Variants in LPAR1 observed in about 807,000 individuals in gnomAD.
The protein encoded by LPAR1 is lysophosphatidic acid receptor 1, also known as LPA receptor 1.
In LPAR1, 5 loss-of-function variants were observed where a neutral mutation model predicts 23.8. That is an observed-to-expected ratio of 0.21 (90% confidence interval 0.11 to 0.44). The LOEUF (loss-of-function observed/expected upper bound fraction) is 0.44. Ranked by LOEUF, LPAR1 falls within the 20% of genes least tolerant of loss-of-function variation. LPAR1 has a pLI of 0.99. For missense variants in LPAR1, 311 were observed against 482.8 expected (o/e 0.64, Z 3.33); for synonymous variants, 160 against 164.7 (o/e 0.97, Z 0.22).
intron 4 of LPAR1, among the ~76,000 whole-genome samples, chr9:110,956,200 A>G (rs1470155134): frequency 7.1e-6 from 1 of 140,080 alleles, no homozygotes; most frequent in East Asian, 2.4e-4. Flanking sequence ...GAACACATGG[A>G]CACCGGGAGG....
chr9:110,873,837 A>G lies in LPAR1; in HGVS notation c.*1584T>C, dbSNP rs1219534586. The stretch of plus-strand genomic sequence containing the variant: ...TTCTTTGCATTTTCTTCCATTTTAC[A>G]TTGCAGGTGTGGCTACCAAGAGCTG... On this transcript the variant is annotated 3_prime_UTR_variant, in exon 6 of 6. Transcript: ENST00000683809. 6.6e-6 allele frequency: 1 copy of G among 151,928 alleles called. No individual in the cohort carries two copies. The highest frequency in any genetic ancestry group is 1.5e-5 in the Non-Finnish European group (1 of 68,034). 9.4% of individuals were successfully genotyped at this position (151,928 alleles called of 1,614,324 possible). A position where few individuals can be genotyped will look rare whatever the true frequency, so the allele number is the denominator to read the frequency against.
chr9:110,930,650 G>A (rs2094348425), intron 5 of LPAR1, among the ~76,000 whole-genome samples: 4 of 151,798 alleles, frequency 2.6e-5, no homozygotes, highest in South Asian at 2.1e-4. Context: ...ATATTGGGCC[G>A]GGCTTGGTAG....
intron 5 of LPAR1, among the ~76,000 whole-genome samples, chr9:110,894,897 T>C (rs1390197002): frequency 1.3e-5 from 2 of 150,806 alleles, no homozygotes; most frequent in Non-Finnish European, 2.9e-5. Flanking sequence ...GGTGCACACA[T>C]GTCCCAACGA....
chr9:110,972,177 T>C lies in LPAR1; in HGVS notation c.-60A>G. The C allele has an allele frequency of 6.7e-7, 1 of 1,493,424 alleles. No individual in the cohort carries two copies. 92.5% of individuals were successfully genotyped at this position (1,493,424 alleles called of 1,614,324 possible). ...CAGAACTACGGGAGACAAATTTTCT[T>C]GTTTGCTGATCAGATCGAAGTCATG... is the stretch of plus-strand genomic sequence containing the variant. On this transcript the variant is annotated 5_prime_UTR_variant, in exon 4 of 6. Transcript: ENST00000683809.
At chr9:110,922,696 G>A (rs976963012) in intron 5 of LPAR1, among the ~76,000 whole-genome samples, 3 of 151,842 alleles carry the variant, frequency 2.0e-5, no homozygotes, top group Non-Finnish European at 2.9e-5. Context: ...TAAAAAAACT[G>A]AGACAGTATG....
chr9:110,984,793 T>C (rs926117561), intron 2 of LPAR1, among the ~76,000 whole-genome samples: 1 of 147,844 alleles, frequency 6.8e-6, no homozygotes, highest in African/African-American at 2.5e-5. Context: ...AATGCAGTTT[T>C]AACTAATAGG....
chr9:110,973,035 A>G (rs982967008), intron 3 of LPAR1, among the ~76,000 whole-genome samples: 2 of 152,234 alleles, frequency 1.3e-5, no homozygotes, highest in Admixed American at 1.3e-4. Flanking sequence ...ACTAATGTAC[A>G]GGTAGCACAC....
rs2095622198 is a variant in LPAR1, at chr9:110,953,096, C to G, written c.46-10928G>C. ...ACCACCTGGATCCCACAGGGTTGCC[C>G]CATCACTAATACTGCTATCTCCCAC... On this transcript the variant is annotated intron_variant, in intron 4 of 5. Transcript: ENST00000683809. Among the ~76,000 whole-genome samples, 4 of 152,306 alleles carry G rather than the reference C, an allele frequency of 2.6e-5. 1 individual carries two copies. The South Asian group carries it at 8.3e-4, about 32-fold the overall frequency.
intron 2 of LPAR1, among the ~76,000 whole-genome samples, chr9:111,029,381 C>G (rs2097757427): frequency 6.6e-6 from 1 of 152,072 alleles, no homozygotes; most frequent in Non-Finnish European, 1.5e-5. Context: ...ATCAACATGC[C>G]CTTTTTTGTC....
rs1288384972 is a variant in LPAR1 at position 110,927,607 on chromosome 9, G to T, written c.793+13814C>A. On this transcript the variant is annotated intron_variant, in intron 5 of 5. Transcript: ENST00000683809. ...AAACAAAACTGAAAACAGCCAAACT[G>T]CACGCAATAAAGTTTATTACATATT... is the stretch of plus-strand genomic sequence containing the variant. 2.6e-5 allele frequency among the ~76,000 whole-genome samples: 4 copies of T among 152,008 alleles called. No homozygotes were observed. The South Asian group carries it at 8.3e-4, about 31-fold the overall frequency.
chr9:110,954,252 T>C (rs1166136739), intron 4 of LPAR1, among the ~76,000 whole-genome samples: 1 of 151,972 alleles, frequency 6.6e-6, no homozygotes, highest in African/African-American at 2.4e-5. Context: ...TCTTTTGACA[T>C]AACCCAGGCA....
chr9:110,882,212 T>C (rs1428585303), intron 5 of LPAR1, among the ~76,000 whole-genome samples: 2 of 152,160 alleles, frequency 1.3e-5, no homozygotes, highest in East Asian at 3.9e-4. Context: ...GGTTTACATG[T>C]TTATTGTTTT....
At chr9:111,014,386 G>C (rs529220616) in intron 2 of LPAR1, among the ~76,000 whole-genome samples, 1 of 152,186 alleles carries the variant, frequency 6.6e-6, no homozygotes, top group South Asian at 2.1e-4. Context: ...TCCCCAGTTT[G>C]CACATCCATC....
chr9:110,906,962 AT>A (rs1389842466), intron 5 of LPAR1, among the ~76,000 whole-genome samples: 1 of 142,310 alleles, frequency 7.0e-6, no homozygotes, highest in African/African-American at 2.5e-5. Flanking sequence ...TAACATTTTA[AT>A]TCTGTAACTT....
chr9:110,963,444 G>A (rs1466793798), intron 4 of LPAR1, among the ~76,000 whole-genome samples: 1 of 152,168 alleles, frequency 6.6e-6, no homozygotes, highest in Non-Finnish European at 1.5e-5. Flanking sequence ...TCCATAGAGT[G>A]TTTATCCAAC....
At chr9:110,985,628 A>C (rs1340345243) in intron 2 of LPAR1, among the ~76,000 whole-genome samples, 2 of 152,140 alleles carry the variant, frequency 1.3e-5, no homozygotes, top group African/African-American at 4.8e-5. Context: ...ACACTGTCTT[A>C]ATTTCAAAGA....
intron 2 of LPAR1, among the ~76,000 whole-genome samples, chr9:110,992,370 A>G (rs1479732967): frequency 6.6e-6 from 1 of 152,248 alleles, no homozygotes; most frequent in Non-Finnish European, 1.5e-5. Flanking sequence ...GTGAGGATTT[A>G]AAGAAGCTGC....
intron 5 of LPAR1, among the ~76,000 whole-genome samples, chr9:110,908,761 C>A (rs7854761): frequency 0.031 from 4,713 of 152,208 alleles, 242 homozygotes; most frequent in African/African-American, 0.11. Flanking sequence ...GTGTGACCAG[C>A]ATCCTTTCAG....
intron 2 of LPAR1, among the ~76,000 whole-genome samples, chr9:111,001,004 T>TAA (rs1162897245): frequency 1.3e-5 from 2 of 152,182 alleles, no homozygotes; most frequent in African/African-American, 4.8e-5. Flanking sequence ...TCCTATGTTT[T>TAA]AATATGCTAA....
Sources: gnomAD v4.1 joint callset for allele counts (sites outside exome capture counted in the v4.1 genomes callset) on GRCh38, gnomAD v4.1.1 for gene constraint, MANE v1.5 for transcripts, NCBI Gene and HGNC (gene_info 2026-07-23, HGNC 2026-07-21) for gene names.